Variants in CCNA1 observed in about 807,000 individuals in gnomAD.
CCNA1 encodes the protein cyclin-A1.
In CCNA1, 23 loss-of-function variants were observed where a neutral mutation model predicts 54.1. The ratio of observed to expected loss-of-function variants is 0.42; its 90% CI spans 0.31 to 0.60. The LOEUF is 0.60. Ranked by LOEUF, CCNA1 falls within the 20% of genes least tolerant of loss-of-function variation. The pLI, the probability that CCNA1 is intolerant of heterozygous loss-of-function variation, is 0.14. For missense variants in CCNA1, 450 were observed against 556.7 expected (o/e 0.81, Z 1.93); for synonymous variants, 208 against 213.9 (o/e 0.97, Z 0.24).
Position 36,433,372 on chromosome 13 carries a change from TTCTTTCTTTCTTTCTTTC to T in CCNA1, c.297+153_297+170del, listed in dbSNP as rs1456787361. ...CTACAGGAAAGTTGATTGATTTATT[TTCTTTCTTTCTTTCTTTC>T]TTTCTTTCTTTCTTTCTTTCTTTCT... On this transcript the variant is annotated intron_variant, in intron 2 of 8. Coordinates refer to ENST00000255465, the MANE Select transcript of CCNA1 (RefSeq NM_003914.4). 9.3e-3 allele frequency: 738 copies of T among 79,456 alleles called. 39 individuals carry two copies. Among genetic ancestry groups the T allele is most frequent in the African/African-American group, 0.047 (682 of 14,378 alleles). The allele number at this position is 79,456 out of a possible 1,614,324, so 4.9% of individuals were successfully genotyped here. A position where few individuals can be genotyped will look rare whatever the true frequency, so the allele number is the denominator to read the frequency against.
rs576581168 is a variant in CCNA1 at position 36,442,739 on chromosome 13, C to G, written c.*74C>G. ...CCAATAATCGTCATAGGCTTCTGCA[C>G]GTTGGATCAACTAATGTTGTTTACA... On this transcript the variant is annotated 3_prime_UTR_variant, in exon 9 of 9. Coordinates refer to ENST00000255465, the MANE Select transcript of CCNA1 (RefSeq NM_003914.4). 2.5e-6 allele frequency: 3 copies of G among 1,191,922 alleles called. No homozygotes were observed. In the African/African-American group the frequency reaches 4.5e-5, roughly 18 times the overall value. The allele number at this position is 1,191,922 out of a possible 1,614,324, so 73.8% of individuals were successfully genotyped here.
At chr13:36,438,019 C>CA in intron 3 of CCNA1, 48 bp from the exon 4 acceptor site, 2 of 1,599,334 alleles carry the variant, frequency 1.3e-6, no homozygotes. Flanking sequence ...GTGGATTGAA[C>CA]AAATGTTTAA....
rs1555269872 is a variant in CCNA1, at chr13:36,433,370, T to TTTACTTTC, written c.297+151_297+152insACTTTCTT. On this transcript the variant is annotated intron_variant, in intron 2 of 8. Coordinates refer to ENST00000255465, the MANE Select transcript of CCNA1 (RefSeq NM_003914.4). Reference sequence around the variant, plus strand: ...GACTACAGGAAAGTTGATTGATTTATTTTCTTTCTTTCTTTCTTTCTTTCT... The same window carrying TTTACTTTC: ...GACTACAGGAAAGTTGATTGATTTATTTACTTTCTTTCTTTCTTTCTTTCTTTCTTTCT... 7.2e-5 allele frequency: 23 copies of TTTACTTTC among 317,492 alleles called. 1 individual carries two copies. The highest frequency in any genetic ancestry group is 3.7e-5 in the Non-Finnish European group (7 of 187,150). 19.7% of individuals were successfully genotyped at this position (317,492 alleles called of 1,614,324 possible). A position where few individuals can be genotyped will look rare whatever the true frequency, so the allele number is the denominator to read the frequency against.
At chr13:36,437,957 A>C (rs765912844) in intron 3 of CCNA1, 82 bp downstream of exon 3, 57 of 1,571,042 alleles carry the variant, frequency 3.6e-5, no homozygotes, top group Non-Finnish European at 4.8e-5. Flanking sequence ...AGTAACTAGC[A>C]AGAGAAAAAC....
Position 36,437,701 on chromosome 13 carries a change from G to C in CCNA1, c.370G>C (p.Asp124His), listed in dbSNP as rs1478654929. 6.2e-7 allele frequency: 1 copy of C among 1,613,940 alleles called. No homozygotes were observed. The highest frequency in any genetic ancestry group is 8.5e-7 in the Non-Finnish European group (1 of 1,179,952). The stretch of plus-strand genomic sequence containing the variant: ...TCCAGCTGGAAAGAAAGCACTCCCT[G>C]ACTGTGGGGTCCAAGAGCCCCCCAA... The change falls in exon 3 of 9, where the codon GAC becomes CAC. Residue 124 changes from aspartate to histidine, a missense_variant. Physicochemically the swap from Asp to His is moderately conservative, Grantham distance 81. Transcript: ENST00000255465.
In CCNA1 at chr13:36,437,550, T is replaced by G. The variant is rs2055820244; in HGVS notation, c.298-79T>G. The G allele has an allele frequency of 3.0e-6, 4 of 1,352,764 alleles. No individual in the cohort carries two copies. In the South Asian group the frequency reaches 5.3e-5, roughly 18 times the overall value. 83.8% of individuals were successfully genotyped at this position (1,352,764 alleles called of 1,614,324 possible). On this transcript the variant is annotated intron_variant, in intron 2 of 8. Transcript: ENST00000255465. Reference sequence around the variant, plus strand: ...GAATGTATCTTACCTTCCCAGGCTGTTGGTTTGAGTCATGCAGGTTCACAT... The same window carrying G: ...GAATGTATCTTACCTTCCCAGGCTGGTGGTTTGAGTCATGCAGGTTCACAT...
chr13:36,442,096 T>C, intron 7 of CCNA1, 75 bp from the exon 8 acceptor site: 1 of 1,226,318 alleles, frequency 8.2e-7, no homozygotes, highest in Non-Finnish European at 1.2e-6. Context: ...CTAATTCCCT[T>C]TATTTCAAAT....
chr13:36,433,197 G>A lies in CCNA1; in HGVS notation c.273G>A (p.Gly91=). ...TGCTAGGGCTGCTAACTGCAAATGGGCAGTACAGGAGGACCTGTGGCCAGG... is the reference window on the plus strand; with the variant it reads ...TGCTAGGGCTGCTAACTGCAAATGGACAGTACAGGAGGACCTGTGGCCAGG... The change falls in exon 2 of 9, where the codon GGG becomes GGA. Residue 91 remains glycine (G), a synonymous_variant. Coordinates refer to ENST00000255465, the MANE Select transcript of CCNA1 (RefSeq NM_003914.4). The A allele has an allele frequency of 6.2e-7, 1 of 1,613,706 alleles. No individual in the cohort carries two copies.
At position 36,441,932 on chromosome 13, in the gene CCNA1, C is replaced by A. The variant is rs546058155; in HGVS notation, c.1213-239C>A. The stretch of plus-strand genomic sequence containing the variant: ...AGTAAAAATTTCACTCATGAGGGAA[C>A]AAGGAAAAAGTGATCCAGCCCCAAA... On this transcript the variant is annotated intron_variant, in intron 7 of 8. Coordinates refer to ENST00000255465, the MANE Select transcript of CCNA1 (RefSeq NM_003914.4). 2.0e-5 allele frequency among the ~76,000 whole-genome samples: 3 copies of A among 151,992 alleles called. No individual in the cohort carries two copies. The East Asian group carries it at 5.8e-4, about 29-fold the overall frequency.
At position 36,438,850 on chromosome 13, in the gene CCNA1, A is replaced by G. The variant is rs750852987; in HGVS notation, c.876A>G (p.Ala292=). The change falls in exon 5 of 9, where the codon GCA becomes GCG. Residue 292 remains alanine, a synonymous_variant. Coordinates refer to ENST00000255465, the MANE Select transcript of CCNA1 (RefSeq NM_003914.4). Reference sequence around the variant, plus strand: ...GGAAACTGCAGCTCGTAGGAACAGCAGCTATGCTTTTGGCTTCGTAAGTGT... The same window carrying G: ...GGAAACTGCAGCTCGTAGGAACAGCGGCTATGCTTTTGGCTTCGTAAGTGT... The G allele has an allele frequency of 1.9e-6, 3 of 1,613,794 alleles. No homozygotes were observed. In the South Asian group the frequency reaches 3.3e-5, roughly 18 times the overall value.
chr13:36,433,458 CTTTTCTTTCTCTTTCTTTCCT>C (rs2055759202), intron 2 of CCNA1, among the ~76,000 whole-genome samples: 1 of 77,128 alleles, frequency 1.3e-5, no homozygotes, highest in Non-Finnish European at 3.2e-5. Flanking sequence ...TTCTTTCTTT[CTTTTCTTTCTCTTTCTTTCCT>C]TCTTTCTTTT....
chr13:36,433,629 C>G (rs2055764419), intron 2 of CCNA1, among the ~76,000 whole-genome samples: 1 of 150,146 alleles, frequency 6.7e-6, no homozygotes, highest in Non-Finnish European at 1.5e-5. Flanking sequence ...CAACCTCCAC[C>G]TCCCGGGTTC....
chr13:36,433,027 T>C lies in CCNA1; in HGVS notation c.109-6T>C, dbSNP rs2055735111. The stretch of plus-strand genomic sequence containing the variant: ...AACAGCTTGTCTGTTTCTCTTTCCC[T>C]GGTAGCAGCAGCCCGTGGAGTCTGA... On this transcript the variant is annotated splice_polypyrimidine_tract_variant and splice_region_variant and intron_variant, in intron 1 of 8. Transcript: ENST00000255465. The C allele has an allele frequency of 6.2e-7, 1 of 1,609,910 alleles. No homozygotes were observed. The highest frequency in any genetic ancestry group is 1.7e-5 in the Admixed American group (1 of 59,644).
intron 2 of CCNA1, among the ~76,000 whole-genome samples, chr13:36,435,218 T>C (rs1233671793): frequency 6.6e-6 from 1 of 152,222 alleles, no homozygotes; most frequent in African/African-American, 2.4e-5. Flanking sequence ...AGCTATCCCA[T>C]TTAAAGCCAC....
At chr13:36,440,636 T>C (rs1243830627) in intron 6 of CCNA1, among the ~76,000 whole-genome samples, 1 of 152,234 alleles carries the variant, frequency 6.6e-6, no homozygotes, top group Admixed American at 6.5e-5. Context: ...GTGACCATAA[T>C]CTAGGATATC....
Position 36,432,577 on chromosome 13 carries a change from C to A in CCNA1, c.-45C>A. The A allele has an allele frequency of 7.6e-7, 1 of 1,310,524 alleles. No homozygotes were observed. Among genetic ancestry groups the A allele is most frequent in the African/African-American group, 1.5e-5 (1 of 67,756 alleles). The allele number at this position is 1,310,524 out of a possible 1,614,324, so 81.2% of individuals were successfully genotyped here. A position where few individuals can be genotyped will look rare whatever the true frequency, so the allele number is the denominator to read the frequency against. On this transcript the variant is annotated 5_prime_UTR_variant, in exon 1 of 9. The change creates a new upstream start codon in the 5' untranslated region. Transcript: ENST00000255465. The stretch of plus-strand genomic sequence containing the variant: ...CCAGGCAGGTTTTGGGGCCTCCTGT[C>A]TGGTGGGAGGAGGCCGCAGCGCAGC...
chr13:36,432,941 G>T, intron 1 of CCNA1, 92 bp from the exon 2 acceptor site: 1 of 1,229,802 alleles, frequency 8.1e-7, no homozygotes, highest in Non-Finnish European at 1.2e-6. Context: ...CCCATTGCTT[G>T]GTGCTCTCCC....
At chr13:36,432,475 G>T (rs544131704), upstream of CCNA1, 22 of 285,552 alleles carry the variant, frequency 7.7e-5, no homozygotes, top group East Asian at 3.2e-3. Flanking sequence ...TCTTAACCGC[G>T]ATCCTCCAGT....
rs1176734799 is a variant in CCNA1, at chr13:36,433,517, CTTTTT to C, written c.297+301_297+305del. Among the ~76,000 whole-genome samples, 3 of 130,884 alleles carry C rather than the reference CTTTTT, an allele frequency of 2.3e-5. No homozygotes were observed. The East Asian group carries it at 7.1e-4, about 31-fold the overall frequency. The allele number at this position is 130,884 out of a possible 152,430, so 85.9% of individuals were successfully genotyped here. A position where few individuals can be genotyped will look rare whatever the true frequency, so the allele number is the denominator to read the frequency against. On this transcript the variant is annotated intron_variant, in intron 2 of 8. Coordinates refer to ENST00000255465, the MANE Select transcript of CCNA1 (RefSeq NM_003914.4). ...TTTGTTTCTCTTCCTTCTTCCTTTC[CTTTTT>C]TTTTCTTTCCTTTCCTTTCCTTCTT...
Sources: gnomAD v4.1 joint callset for allele counts (sites outside exome capture counted in the v4.1 genomes callset) on GRCh38, gnomAD v4.1.1 for gene constraint, MANE v1.5 for transcripts, NCBI Gene and HGNC (gene_info 2026-07-23, HGNC 2026-07-21) for gene names.